CNTN4: variants seen among roughly 807,000 people sequenced by gnomAD.
CNTN4 encodes contactin-4.
Under a neutral mutation model 122.5 loss-of-function variants are expected in CNTN4, and 77 were observed. The ratio of observed to expected loss-of-function variants is 0.63; its 90% CI spans 0.52 to 0.76. The LOEUF (loss-of-function observed/expected upper bound fraction) is 0.76. Among genes scored for constraint, CNTN4 ranks in the 30% least tolerant of loss-of-function variants. The probability of loss-of-function intolerance (pLI) is 0.00; values close to 1 mark genes in which losing one functional copy is unlikely to be tolerated. For missense variants in CNTN4, 1,256 were observed against 1,259.1 expected (o/e 1.00, Z 0.04); for synonymous variants, 512 against 447.0 (o/e 1.15, Z -1.83).
chr3:2,581,923 A>G (rs1031769588), intron 4 of CNTN4, among the ~76,000 whole-genome samples: 6 of 152,226 alleles, frequency 3.9e-5, no homozygotes, highest in African/African-American at 9.6e-5. Context: ...GATTCCATTT[A>G]TGGACTGTCC....
intron 13 of CNTN4, among the ~76,000 whole-genome samples, chr3:2,983,210 T>C (rs528750574): frequency 1.8e-5 from 1 of 54,072 alleles, no homozygotes; most frequent in Non-Finnish European, 3.3e-5. Context: ...CGAGACTCCA[T>C]CTCAAAAAAA....
intron 2 of CNTN4, among the ~76,000 whole-genome samples, chr3:2,144,428 T>C (rs1028856206): frequency 1.3e-5 from 2 of 152,236 alleles, no homozygotes; most frequent in Admixed American, 6.5e-5. Context: ...GGGATTTTCA[T>C]AGAGTTTCTA....
At chr3:2,197,400 T>C (rs1294925534) in intron 2 of CNTN4, among the ~76,000 whole-genome samples, 1 of 152,254 alleles carries the variant, frequency 6.6e-6, no homozygotes, top group Non-Finnish European at 1.5e-5. Flanking sequence ...AGAATCCGTA[T>C]GAATTATTCT....
intron 2 of CNTN4, among the ~76,000 whole-genome samples, chr3:2,334,280 C>T (rs955517263): frequency 5.3e-5 from 8 of 152,134 alleles, no homozygotes; most frequent in Non-Finnish European, 1.2e-4. Flanking sequence ...GCCTCAGCCT[C>T]CCAAGTAGCT....
chr3:2,292,480 T>A (rs113055552), intron 2 of CNTN4, among the ~76,000 whole-genome samples: 5 of 152,344 alleles, frequency 3.3e-5, no homozygotes, highest in African/African-American at 1.2e-4. Flanking sequence ...AAGTGTACAA[T>A]GTGTTAACTT....
At chr3:2,234,949 C>G (rs2039624679) in intron 2 of CNTN4, among the ~76,000 whole-genome samples, 1 of 151,976 alleles carries the variant, frequency 6.6e-6, no homozygotes, top group African/African-American at 2.4e-5. Flanking sequence ...TGTTTACTTG[C>G]TTTGAACAGT....
chr3:2,177,692 G>GTGTATC, intron 2 of CNTN4, among the ~76,000 whole-genome samples: 1 of 137,832 alleles, frequency 7.3e-6, no homozygotes, highest in Middle Eastern at 3.9e-3. Context: ...GTGTGTGTGT[G>GTGTATC]TATCTCCAGG....
intron 4 of CNTN4, among the ~76,000 whole-genome samples, chr3:2,665,553 A>T (rs2084110748): frequency 6.6e-6 from 1 of 152,300 alleles, no homozygotes; most frequent in East Asian, 1.9e-4. Flanking sequence ...CCTCTTTGTG[A>T]ACTGGTCATT....
chr3:2,179,500 A>T (rs1423723354), intron 2 of CNTN4, among the ~76,000 whole-genome samples: 1 of 152,026 alleles, frequency 6.6e-6, no homozygotes, highest in East Asian at 1.9e-4. Flanking sequence ...AGTAGCTATA[A>T]CAAAAAATAT....
At chr3:2,211,954 C>G (rs4684339) in intron 2 of CNTN4, among the ~76,000 whole-genome samples, 12,254 of 152,188 alleles carry the variant, frequency 0.081, 656 homozygotes, top group East Asian at 0.23. Flanking sequence ...GATTCTGATG[C>G]TTTAAAACTG....
intron 2 of CNTN4, among the ~76,000 whole-genome samples, chr3:2,251,642 C>T (rs1168894359): frequency 6.6e-6 from 1 of 151,632 alleles, no homozygotes; most frequent in Non-Finnish European, 1.5e-5. Flanking sequence ...TAATTTAGCC[C>T]TTATTATAAC....
chr3:2,359,575 T>G (rs1348143600), intron 3 of CNTN4, among the ~76,000 whole-genome samples: 4 of 152,200 alleles, frequency 2.6e-5, no homozygotes, highest in Non-Finnish European at 4.4e-5. Flanking sequence ...AATCTCGCTC[T>G]GTCGCCCAGG....
chr3:3,024,422 A>G (rs946060956), intron 14 of CNTN4, among the ~76,000 whole-genome samples: 7 of 145,934 alleles, frequency 4.8e-5, no homozygotes, highest in Admixed American at 2.1e-4. Flanking sequence ...CTTCATCACT[A>G]TCTATTCCTG....
In CNTN4 at chr3:2,781,862, C is replaced by T. The variant is rs573375153; in HGVS notation, c.358+36165C>T. ...GCCTCAGCCTCCCGAGTAGCTGGGA[C>T]TGCAGGCGCCCGCACCACGCCCGGC... is the stretch of plus-strand genomic sequence containing the variant. On this transcript the variant is annotated intron_variant, in intron 6 of 24. Transcript: ENST00000418658. Among the ~76,000 whole-genome samples the T allele has an allele frequency of 4.4e-3, 411 of 93,052 alleles. 38 individuals are homozygous for T. The highest frequency in any genetic ancestry group is 6.1e-3 in the Non-Finnish European group (305 of 50,308). The allele number at this position is 93,052 out of a possible 152,430, so 61.0% of individuals were successfully genotyped here.
At chr3:2,495,349 G>A (rs996998751) in intron 3 of CNTN4, among the ~76,000 whole-genome samples, 1 of 152,158 alleles carries the variant, frequency 6.6e-6, no homozygotes, top group African/African-American at 2.4e-5. Context: ...TTCCTTGAAA[G>A]CCAATATCAC....
intron 4 of CNTN4, chr3:2,735,790 CTTTCTAA>C (rs2089042265): frequency 8.4e-6 from 3 of 356,924 alleles, no homozygotes; most frequent in Admixed American, 4.0e-5. Flanking sequence ...GTCCTTGCTT[CTTTCTAA>C]TTTTATCATC....
chr3:2,863,669 T>C (rs9869344), intron 7 of CNTN4, among the ~76,000 whole-genome samples: 55,847 of 151,668 alleles, frequency 0.37, 10,589 homozygotes, highest in South Asian at 0.46. Context: ...CCAAACTAGG[T>C]TTTTTGAGCT....
chr3:2,662,679 G>T (rs918752046), intron 4 of CNTN4, among the ~76,000 whole-genome samples: 2 of 152,146 alleles, frequency 1.3e-5, no homozygotes, highest in African/African-American at 4.8e-5. Flanking sequence ...AAGGTATAGG[G>T]ACCTTCCAGG....
intron 4 of CNTN4, among the ~76,000 whole-genome samples, chr3:2,702,623 A>G (rs1014992538): frequency 1.3e-5 from 2 of 152,194 alleles, no homozygotes; most frequent in African/African-American, 4.8e-5. Flanking sequence ...ATTTACCCCC[A>G]GGCTTAAAGT....
Sources: gnomAD v4.1 joint callset for allele counts (sites outside exome capture counted in the v4.1 genomes callset) on GRCh38, gnomAD v4.1.1 for gene constraint, MANE v1.5 for transcripts, NCBI Gene and HGNC (gene_info 2026-07-23, HGNC 2026-07-21) for gene names.